ROBO2: variants seen among roughly 807,000 people sequenced by gnomAD.
The protein encoded by ROBO2 is roundabout homolog 2.
In ROBO2, 53 loss-of-function variants were observed where a neutral mutation model predicts 160.8. The ratio of observed to expected loss-of-function variants is 0.33; its 90% CI spans 0.26 to 0.41. ROBO2 has a LOEUF of 0.41. Ranked by LOEUF, ROBO2 falls within the 10% of genes least tolerant of loss-of-function variation. ROBO2 has a pLI of 1.00. For missense variants in ROBO2, 1,577 were observed against 1,722.4 expected (o/e 0.92, Z 1.49); for synonymous variants, 664 against 611.7 (o/e 1.09, Z -1.26).
At chr3:77,264,691 A>G (rs1490462639) in intron 2 of ROBO2, among the ~76,000 whole-genome samples, 1 of 152,100 alleles carries the variant, frequency 6.6e-6, no homozygotes, top group Non-Finnish European at 1.5e-5. Flanking sequence ...ACAGCTTCAT[A>G]TGCTGGTTAA....
chr3:76,660,284 A>C (rs1352299367), intron 2 of ROBO2, among the ~76,000 whole-genome samples: 1 of 152,188 alleles, frequency 6.6e-6, no homozygotes, highest in Admixed American at 6.5e-5. Context: ...TTAAATGTGA[A>C]ATTAACTGGA....
intron 2 of ROBO2, among the ~76,000 whole-genome samples, chr3:76,803,175 C>T (rs73123337): frequency 0.022 from 3,341 of 152,204 alleles, 62 homozygotes; most frequent in Non-Finnish European, 0.035. Context: ...ATAAGAGAGA[C>T]ACCATGGTAA....
intron 2 of ROBO2, among the ~76,000 whole-genome samples, chr3:77,430,456 TA>T (rs1044486836): frequency 6.6e-6 from 1 of 152,068 alleles, no homozygotes; most frequent in Non-Finnish European, 1.5e-5. Context: ...ATTAATGTAT[TA>T]AAAATTTTAT....
intron 2 of ROBO2, among the ~76,000 whole-genome samples, chr3:77,438,480 A>C (rs2079554517): frequency 6.6e-6 from 1 of 151,756 alleles, no homozygotes; most frequent in African/African-American, 2.4e-5. Context: ...AGAACACTTC[A>C]GACTGTTTAG....
chr3:77,631,427 T>C (rs1257101436), intron 23 of ROBO2: 1 of 152,208 alleles, frequency 6.6e-6, no homozygotes, highest in African/African-American at 2.4e-5. Flanking sequence ...TGTAAATATG[T>C]ATTTGGTTTA....
chr3:76,951,831 C>T (rs2078974700), intron 2 of ROBO2, among the ~76,000 whole-genome samples: 1 of 152,206 alleles, frequency 6.6e-6, no homozygotes, highest in South Asian at 2.1e-4. Flanking sequence ...ACAAAGCCAA[C>T]TGCTATATCT....
chr3:77,015,188 CA>C (rs1177099490), intron 2 of ROBO2, among the ~76,000 whole-genome samples: 4 of 152,088 alleles, frequency 2.6e-5, no homozygotes, highest in African/African-American at 7.2e-5. Context: ...CCAAAAAGGC[CA>C]AAATCAATTT....
At chr3:77,055,356 G>A (rs1006220397) in intron 1 of ROBO2, among the ~76,000 whole-genome samples, 7 of 152,084 alleles carry the variant, frequency 4.6e-5, no homozygotes, top group Admixed American at 3.3e-4. Context: ...TTGATAAAAG[G>A]GCTTTCATTC....
chr3:77,153,500 C>T (rs765716642), intron 2 of ROBO2, among the ~76,000 whole-genome samples: 29 of 152,014 alleles, frequency 1.9e-4, no homozygotes, highest in Non-Finnish European at 3.5e-4. Flanking sequence ...TGTGTAATTT[C>T]TGAAATTAAA....
chr3:76,616,620 C>T (rs79663891), intron 2 of ROBO2, among the ~76,000 whole-genome samples: 17 of 152,338 alleles, frequency 1.1e-4, no homozygotes, highest in Non-Finnish European at 2.2e-4. Flanking sequence ...GAGTTCTGAG[C>T]TTCCTGTTGT....
At chr3:77,268,158 C>T (rs1313443297) in intron 2 of ROBO2, among the ~76,000 whole-genome samples, 1 of 152,160 alleles carries the variant, frequency 6.6e-6, no homozygotes, top group Non-Finnish European at 1.5e-5. Context: ...AATTCTTAAA[C>T]ACTGTTAATA....
chr3:76,351,081 A>G (rs936280057), intron 2 of ROBO2, among the ~76,000 whole-genome samples: 1 of 151,944 alleles, frequency 6.6e-6, no homozygotes, highest in Non-Finnish European at 1.5e-5. Context: ...ACTAAACATC[A>G]TGTTCAAGTG....
intron 2 of ROBO2, among the ~76,000 whole-genome samples, chr3:77,416,834 C>G (rs770764438): frequency 6.6e-6 from 1 of 151,260 alleles, no homozygotes; most frequent in African/African-American, 2.4e-5. Flanking sequence ...AGGGCTTTGA[C>G]ACGTATTTAG....
chr3:76,803,473 AAGGG>A (rs949656118), intron 2 of ROBO2, among the ~76,000 whole-genome samples: 48 of 138,300 alleles, frequency 3.5e-4, no homozygotes, highest in Non-Finnish European at 5.2e-4. Context: ...GAAAGGAAGG[AAGGG>A]AGGGAGGGAG....
intron 2 of ROBO2, among the ~76,000 whole-genome samples, chr3:76,808,993 C>T (rs1017298752): frequency 2.0e-5 from 3 of 152,154 alleles, no homozygotes; most frequent in South Asian, 4.1e-4. Flanking sequence ...GAGAGTAGAT[C>T]GTCTACGCAT....
intron 1 of ROBO2, among the ~76,000 whole-genome samples, chr3:75,932,728 A>G (rs1447926100): frequency 6.6e-6 from 1 of 152,128 alleles, no homozygotes; most frequent in Non-Finnish European, 1.5e-5. Context: ...CAGGAATCTT[A>G]GAGCTGTTTT....
exon 26 of ROBO2, chr3:77,646,269 GGA>G: frequency 2.4e-6 from 1 of 410,296 alleles, no homozygotes; most frequent in Non-Finnish European, 4.4e-6. Flanking sequence ...TTTCTTGTCA[GGA>G]GTATATAAAA....
chr3:77,463,953 C>A (rs1302849223), intron 2 of ROBO2, among the ~76,000 whole-genome samples: 1 of 152,170 alleles, frequency 6.6e-6, no homozygotes. Flanking sequence ...CATTGAAGAT[C>A]AGATGCAGAA....
intron 2 of ROBO2, among the ~76,000 whole-genome samples, chr3:77,128,007 T>C (rs1046855805): frequency 1.3e-5 from 2 of 152,226 alleles, no homozygotes; most frequent in Non-Finnish European, 2.9e-5. Flanking sequence ...CCAGCTTTGA[T>C]GGTTCTAAAC....
Sources: gnomAD v4.1 joint callset for allele counts (sites outside exome capture counted in the v4.1 genomes callset) on GRCh38, gnomAD v4.1.1 for gene constraint, MANE v1.5 for transcripts, NCBI Gene and HGNC (gene_info 2026-07-23, HGNC 2026-07-21) for gene names.